VSIG10L: variants seen among roughly 807,000 people sequenced by gnomAD.
VSIG10L encodes the protein V-set and immunoglobulin domain containing 10 like.
A neutral mutation model predicts 67.3 loss-of-function variants in VSIG10L; 63 were observed. The observed-to-expected ratio is 0.94, with a 90% CI of 0.76 to 1.15. The LOEUF (loss-of-function observed/expected upper bound fraction) is 1.15, where lower values mean the gene tolerates loss of function less well. VSIG10L is among the 50% of genes most tolerant of loss of function. The pLI, the probability that VSIG10L is intolerant of heterozygous loss-of-function variation, is 0.00. For missense variants in VSIG10L, 1,050 were observed against 1,177.5 expected, an observed-to-expected ratio of 0.89 and a Z score of 1.58; for synonymous variants, 499 against 524.9, an observed-to-expected ratio of 0.95 and a Z score of 0.67.
In VSIG10L at chr19:51,340,181, G is replaced by T; in HGVS notation, c.1308C>A (p.Ala436=). ...GGTCCGCCAGGCTCCACGTGATGTC[G>T]GCGGGCGGCCGCGAGGCGGCGGCGC... is the stretch of plus-strand genomic sequence containing the variant. ...LRCAAASRPP[A]DITWSLADPA... The change falls in exon 4 of 10, where the codon GCC becomes GCA. Residue 436 remains alanine, a synonymous_variant. Coordinates refer to ENST00000335624, the MANE Select transcript of VSIG10L (RefSeq NM_001163922.3). This position sits in a 1 kb window ranked among gnomAD's most constrained non-coding sequence, Gnocchi z 6.3. 15 of 1,439,030 alleles carry T rather than the reference G, an allele frequency of 1.0e-5. No individual in the cohort carries two copies. The highest frequency in any genetic ancestry group is 9.1e-6 in the Non-Finnish European group (10 of 1,101,414). The allele number at this position is 1,439,030 out of a possible 1,614,324, so 89.1% of individuals were successfully genotyped here. A position where few individuals can be genotyped will look rare whatever the true frequency, so the allele number is the denominator to read the frequency against.
In VSIG10L at chr19:51,337,463, C is replaced by T. The variant is rs769450879; in HGVS notation, c.2080G>A (p.Gly694Arg). Residue 694 changes from glycine (G) to arginine (R), a missense_variant, in exon 7 of 10, where the codon GGG becomes AGG. This residue lies in a region of VSIG10L where 529 missense variants were observed against 584.9 expected (regional missense o/e 0.90). Coordinates refer to ENST00000335624, the MANE Select transcript of VSIG10L (RefSeq NM_001163922.3). ...AAVLTWDVER[G>R]ALISSFEIQA... is the part of the protein sequence containing the mutation. ...ATCTCAAAACTGCTGATCAGGGCCC[C>T]GCGCTCCACATCCCAAGTCAGCACG... is the stretch of plus-strand genomic sequence containing the variant. The T allele has an allele frequency of 2.8e-5, 43 of 1,551,396 alleles. No individual in the cohort carries two copies. The highest frequency in any genetic ancestry group is 9.8e-5 in the East Asian group (4 of 40,916).
At chr19:51,338,303 G>T in intron 5 of VSIG10L, 95 bp from the exon 6 acceptor site, 1 of 1,364,144 alleles carries the variant, frequency 7.3e-7, no homozygotes, top group South Asian at 1.6e-5. Flanking sequence ...ATGGTGGTAA[G>T]CCCCCACGCT....
chr19:51,338,763 C>G (rs1985550307), intron 5 of VSIG10L, 125 bp downstream of exon 5: 1 of 1,132,836 alleles, frequency 8.8e-7, no homozygotes, highest in African/African-American at 1.6e-5. Context: ...AGTTTGAAGA[C>G]AGTGAAGTCC....
At position 51,337,293 on chromosome 19, in the gene VSIG10L, C is replaced by G; in HGVS notation, c.2250G>C (p.Leu750=). The G allele has an allele frequency of 6.4e-7, 1 of 1,551,418 alleles. No individual in the cohort carries two copies. The highest frequency in any genetic ancestry group is 1.4e-5 in the African/African-American group (1 of 73,166). The change falls in exon 7 of 10, where the codon CTG becomes CTC. Residue 750 remains leucine (L), a synonymous_variant. Coordinates refer to ENST00000335624, the MANE Select transcript of VSIG10L (RefSeq NM_001163922.3). ...TCCCTGGCTGGCCCCCCAGGATGGG[C>G]AGGATCCGAAAGGTCCAGGTCCCTG... ...RNPGTWTFRI[L]PILGGQPGTP...
rs763131064 is a variant in VSIG10L, at chr19:51,338,115, G to A, written c.1823C>T (p.Pro608Leu). The A allele has an allele frequency of 1.5e-5, 23 of 1,549,778 alleles. No individual in the cohort carries two copies. Among genetic ancestry groups the A allele is most frequent in the South Asian group, 6.0e-5 (5 of 83,950 alleles). ...TTCCCGGGCCCAGGATGCCCGTGAG[G>A]GTGGGGGACAACCAGAGGCCTCCAG... ...VALEASGCPP[P>L]SRASWAREGR... The change falls in exon 6 of 10, where the codon CCC (proline) becomes CTC (leucine). Residue 608 changes from proline to leucine, a missense_variant. By Grantham distance (98) the Pro-to-Leu change is moderately conservative. Coordinates refer to ENST00000335624, the MANE Select transcript of VSIG10L (RefSeq NM_001163922.3).
Position 51,340,236 on chromosome 19 carries a change from A to G in VSIG10L, c.1253T>C (p.Val418Ala), listed in dbSNP as rs760499559. The G allele has an allele frequency of 6.6e-6, 10 of 1,511,236 alleles. No individual in the cohort carries two copies. In the South Asian group the frequency reaches 1.2e-4, roughly 18 times the overall value. 93.6% of individuals were successfully genotyped at this position (1,511,236 alleles called of 1,614,324 possible). Residue 418 changes from valine (V) to alanine (A), a missense_variant, in exon 4 of 10, where the codon GTC becomes GCC. By Grantham distance (64) the Val-to-Ala change is moderately conservative. Coordinates refer to ENST00000335624, the MANE Select transcript of VSIG10L (RefSeq NM_001163922.3). This position sits in a 1 kb window ranked among gnomAD's most constrained non-coding sequence, Gnocchi z 6.3. ...SDRDAAPARF[V>A]TAGSNVTLRC... ...CAAGGTCACGTTACTGCCCGCGGTG[A>G]CAAAGCGGGCAGGCGCGGCGTCGCG...
At chr19:51,337,149 TTGTTAGG>T in intron 7 of VSIG10L, 82 bp downstream of exon 7, 1 of 1,407,544 alleles carries the variant, frequency 7.1e-7, no homozygotes, top group Non-Finnish European at 9.5e-7. Flanking sequence ...TCATGGTACT[TTGTTAGG>T]GCAGGCCCCA....
At chr19:51,339,362 C>T (rs1985567283) in intron 4 of VSIG10L, among the ~76,000 whole-genome samples, 1 of 152,164 alleles carries the variant, frequency 6.6e-6, no homozygotes, top group Non-Finnish European at 1.5e-5. Flanking sequence ...AAGAAAACTG[C>T]ATCTTCACAC....
At chr19:51,339,989 C>A in intron 4 of VSIG10L, 26 bp downstream of exon 4, 3 of 1,333,376 alleles carry the variant, frequency 2.2e-6, no homozygotes, top group Non-Finnish European at 2.9e-6. Flanking sequence ...CCCAGGCATT[C>A]CCCTACTCCC....
At chr19:51,335,251 G>A (rs1985454582) in intron 7 of VSIG10L, among the ~76,000 whole-genome samples, 1 of 152,156 alleles carries the variant, frequency 6.6e-6, no homozygotes, top group Non-Finnish European at 1.5e-5. Context: ...ATCCTAAAGG[G>A]GTCCTGCAGA....
intron 7 of VSIG10L, among the ~76,000 whole-genome samples, chr19:51,334,509 G>C (rs1985436543): frequency 6.6e-6 from 1 of 152,224 alleles, no homozygotes; most frequent in South Asian, 2.1e-4. Context: ...CTCTCAGACA[G>C]GTAGTGAGGA....
At position 51,338,065 on chromosome 19, in the gene VSIG10L, C is replaced by A. The variant is rs1424630214; in HGVS notation, c.1873G>T (p.Gly625Trp). 1.9e-6 allele frequency: 3 copies of A among 1,551,502 alleles called. No individual in the cohort carries two copies. The highest frequency in any genetic ancestry group is 8.7e-7 in the Non-Finnish European group (1 of 1,146,976). Residue 625 changes from glycine (G) to tryptophan (W), a missense_variant, in exon 6 of 10, where the codon GGG becomes TGG. Transcript: ENST00000335624. ...TCTTGACTGAGCCGCAGGCGACTCC[C>A]GCCTCCTGGAGCCAGGGGCCTCCCT... ...REGRPLAPGG[G>W]SRLRLSQDGR...
intron 7 of VSIG10L, 22 bp from the exon 8 acceptor site, chr19:51,334,326 A>C: frequency 1.3e-6 from 2 of 1,547,480 alleles, no homozygotes; most frequent in Non-Finnish European, 1.7e-6. Context: ...AAAGAGAAGA[A>C]AGAGAAGGGG....
In VSIG10L at chr19:51,338,080, G is replaced by A. The variant is rs780654060; in HGVS notation, c.1858C>T (p.Leu620=). The A allele has an allele frequency of 1.4e-5, 21 of 1,551,274 alleles. No homozygotes were observed. Among genetic ancestry groups the A allele is most frequent in the African/African-American group, 8.2e-5 (6 of 72,984 alleles). The change falls in exon 6 of 10, where the codon CTG becomes TTG. Residue 620 remains leucine, a synonymous_variant. Transcript: ENST00000335624. ...RASWAREGRP[L]APGGGSRLRL... is the part of the protein sequence containing the mutation. ...AGGCGACTCCCGCCTCCTGGAGCCA[G>A]GGGCCTCCCTTCCCGGGCCCAGGAT...
Position 51,337,917 on chromosome 19 carries a change from T to C in VSIG10L, c.2008+13A>G, listed in dbSNP as rs751278445. On this transcript the variant is annotated intron_variant, in intron 6 of 9. Coordinates refer to ENST00000335624, the MANE Select transcript of VSIG10L (RefSeq NM_001163922.3). ...ACGTGGACTTCAGGGTTTTTTGAAA[T>C]AACGTGGCTCACCAATGAGGGTGAT... 2.0e-6 allele frequency: 3 copies of C among 1,532,906 alleles called. No homozygotes were observed. The highest frequency in any genetic ancestry group is 4.2e-5 in the Admixed American group (2 of 48,034). The allele number at this position is 1,532,906 out of a possible 1,614,324, so 95.0% of individuals were successfully genotyped here.
chr19:51,341,795 G>A lies in VSIG10L; in HGVS notation c.253C>T (p.Leu85=), dbSNP rs1359653245. Residue 85 remains leucine (L), a synonymous_variant, in exon 2 of 10, where the codon CTG becomes TTG. Coordinates refer to ENST00000335624, the MANE Select transcript of VSIG10L (RefSeq NM_001163922.3). The part of the protein sequence containing the change: ...ISDSSWFPEA[L]SSNMSGSFWS... ...AAGGACCCAGACATGTTGGAACTCA[G>A]GGCCTCAGGAAACCAGCTGGAATCA... 6.4e-7 allele frequency: 1 copy of A among 1,551,408 alleles called. No individual in the cohort carries two copies. The highest frequency in any genetic ancestry group is 1.4e-5 in the African/African-American group (1 of 73,078).
At position 51,341,450 on chromosome 19, in the gene VSIG10L, CG is replaced by C; in HGVS notation, c.597del (p.Ala200LeufsTer12). ...ASFPQQVGGP[L>X]AVLVGTTIRL... is the part of the protein sequence containing the mutation. ...CGGATGGTGGTCCCCACCAGCACAGCGAGTGGGCCCCCCACCTGCTGGGGAA... is the reference window on the plus strand; with the variant it reads ...CGGATGGTGGTCCCCACCAGCACAGCAGTGGGCCCCCCACCTGCTGGGGAA... On this transcript the variant is annotated frameshift_variant, in exon 2 of 10. Transcript: ENST00000335624. LOFTEE classifies it high-confidence loss of function. 6.5e-7 allele frequency: 1 copy of C among 1,540,294 alleles called. No individual in the cohort carries two copies. Among genetic ancestry groups the C allele is most frequent in the Non-Finnish European group, 8.8e-7 (1 of 1,141,324 alleles).
intron 2 of VSIG10L, 79 bp downstream of exon 2, chr19:51,341,074 C>T (rs185037000): frequency 1.4e-6 from 2 of 1,444,952 alleles, no homozygotes; most frequent in African/African-American, 1.4e-5. Context: ...AGGGACCCCA[C>T]AGCACCGTGA....
chr19:51,340,672 G>A lies in VSIG10L; in HGVS notation c.950C>T (p.Ala317Val), dbSNP rs1985615123. 4 of 1,528,444 alleles carry A rather than the reference G, an allele frequency of 2.6e-6. No homozygotes were observed. The highest frequency in any genetic ancestry group is 1.4e-5 in the African/African-American group (1 of 72,836). 94.7% of individuals were successfully genotyped at this position (1,528,444 alleles called of 1,614,324 possible). A position where few individuals can be genotyped will look rare whatever the true frequency, so the allele number is the denominator to read the frequency against. ...QPKAPETEEG[A>V]AELRLRCLGW... ...CAGGCAGCGCAGCCGGAGCTCGGCC[G>A]CCCCCTCCTCTGTCTCTGGAGCCTT... Residue 317 changes from alanine to valine, a missense_variant, in exon 3 of 10, where the codon GCG (alanine) becomes GTG (valine). Coordinates refer to ENST00000335624, the MANE Select transcript of VSIG10L (RefSeq NM_001163922.3). This position sits in a 1 kb window ranked among gnomAD's most constrained non-coding sequence, Gnocchi z 6.3.
Sources: gnomAD v4.1 joint callset for allele counts (sites outside exome capture counted in the v4.1 genomes callset) on GRCh38, gnomAD v4.1.1 for gene constraint, gnomAD v4.1.1 regional missense constraint, Gnocchi (gnomAD v3.1) non-coding constraint, MANE v1.5 for transcripts, NCBI Gene and HGNC (gene_info 2026-07-23, HGNC 2026-07-21) for gene names.